The following TAPT1 variants were observed in gnomAD, a reference collection of about 807,000 sequenced individuals.
The protein encoded by TAPT1 is transmembrane anterior posterior transformation 1.
Under a neutral mutation model 65.6 loss-of-function variants are expected in TAPT1, and 28 were observed. The ratio of observed to expected loss-of-function variants is 0.43; its 90% CI spans 0.32 to 0.59. The LOEUF (loss-of-function observed/expected upper bound fraction) is 0.59. TAPT1 is among the 20% of genes least tolerant of loss of function. The pLI is 0.09. For missense variants in TAPT1, 563 were observed against 679.9 expected, an observed-to-expected ratio of 0.83 and a Z score of 1.91; for synonymous variants, 278 against 245.2, an observed-to-expected ratio of 1.13 and a Z score of -1.25.
intron 2 of TAPT1, among the ~76,000 whole-genome samples, chr4:16,202,865 T>C (rs780928029): frequency 1.3e-5 from 2 of 152,228 alleles, no homozygotes; most frequent in Non-Finnish European, 2.9e-5. Flanking sequence ...CCTCAAGCTC[T>C]AGATATTATG....
At chr4:16,196,654 TCAC>T in intron 3 of TAPT1, 2 of 1,285,000 alleles carry the variant, frequency 1.6e-6, no homozygotes, top group Non-Finnish European at 2.0e-6. Flanking sequence ...CAGGGTTTAC[TCAC>T]CACAAGGAGT....
At chr4:16,205,315 C>A (rs1750275688) in intron 2 of TAPT1, among the ~76,000 whole-genome samples, 1 of 152,222 alleles carries the variant, frequency 6.6e-6, no homozygotes, top group South Asian at 2.1e-4. Context: ...TCCTCCACCA[C>A]AACCACCAAA....
At chr4:16,167,438 C>A (rs1165200969) in intron 12 of TAPT1, among the ~76,000 whole-genome samples, 2 of 152,150 alleles carry the variant, frequency 1.3e-5, no homozygotes, top group East Asian at 1.9e-4. Flanking sequence ...TGATTCCACA[C>A]CCTTATGATA....
intron 12 of TAPT1, among the ~76,000 whole-genome samples, chr4:16,168,732 T>C (rs1240264639): frequency 2.0e-5 from 3 of 152,246 alleles, no homozygotes; most frequent in Non-Finnish European, 2.9e-5. Flanking sequence ...TTGTTGTCTA[T>C]TTGTTGTTGG....
chr4:16,226,390 C>T lies in TAPT1; in HGVS notation c.68G>A (p.Arg23Gln). The T allele has an allele frequency of 9.1e-7, 1 of 1,098,490 alleles. No individual in the cohort carries two copies. The highest frequency in any genetic ancestry group is 1.1e-6 in the Non-Finnish European group (1 of 903,842). The allele number at this position is 1,098,490 out of a possible 1,614,324, so 68.0% of individuals were successfully genotyped here. A position where few individuals can be genotyped will look rare whatever the true frequency, so the allele number is the denominator to read the frequency against. The part of the protein sequence containing the change: ...GGGGGVDGPQ[R>Q]DGRGEAEQPG... ...CTGCTCCGCCTCGCCGCGGCCGTCC[C>T]GCTGCGGGCCGTCCACGCCGCCACC... Residue 23 changes from arginine (R) to glutamine (Q), a missense_variant, in exon 1 of 14, where the codon CGG becomes CAG. Around this residue, in one of 5 missense-constraint regions of TAPT1, gnomAD observed 103 missense variants for 89.4 expected, o/e 1.15. Coordinates refer to ENST00000405303, the MANE Select transcript of TAPT1 (RefSeq NM_153365.3).
At chr4:16,219,484 G>A (rs1455024499) in intron 1 of TAPT1, among the ~76,000 whole-genome samples, 1 of 152,190 alleles carries the variant, frequency 6.6e-6, no homozygotes, top group Non-Finnish European at 1.5e-5. Context: ...GAATGTAAGG[G>A]TAAACTTTGC....
intron 5 of TAPT1, among the ~76,000 whole-genome samples, chr4:16,187,732 C>T (rs376331599): frequency 6.6e-6 from 1 of 152,126 alleles, no homozygotes; most frequent in Non-Finnish European, 1.5e-5. Flanking sequence ...AAAGCACTTA[C>T]TCTCCAATAG....
intron 1 of TAPT1, 122 bp downstream of exon 1, chr4:16,226,137 G>A: frequency 9.7e-7 from 1 of 1,029,780 alleles, no homozygotes. Flanking sequence ...CACAGCCTGG[G>A]GAGCCCCGGG....
At chr4:16,171,901 C>T (rs6814370) in intron 11 of TAPT1, among the ~76,000 whole-genome samples, 9,133 of 151,972 alleles carry the variant, frequency 0.06, 545 homozygotes, top group African/African-American at 0.15. Context: ...TTCCTTTTTT[C>T]GGATATAAAA....
rs1332658879 is a variant in TAPT1 at position 16,216,644 on chromosome 4, C to T, written c.200-2746G>A. Among the ~76,000 whole-genome samples the T allele has an allele frequency of 3.9e-5, 6 of 152,224 alleles. No homozygotes were observed. The East Asian group carries it at 1.2e-3, about 29-fold the overall frequency. ...CCAGGGCCAATCTTGACAATCCCCTCTCTCTTCTTACCAAGGTCTACCAAT... is the reference window on the plus strand; with the variant it reads ...CCAGGGCCAATCTTGACAATCCCCTTTCTCTTCTTACCAAGGTCTACCAAT... On this transcript the variant is annotated intron_variant, in intron 1 of 13. Coordinates refer to ENST00000405303, the MANE Select transcript of TAPT1 (RefSeq NM_153365.3).
rs1747343340 is a variant in TAPT1 at position 16,162,849 on chromosome 4, T to C, written c.*459A>G. 1.2e-5 allele frequency: 4 copies of C among 344,500 alleles called. No individual in the cohort carries two copies. The highest frequency in any genetic ancestry group is 8.8e-5 in the South Asian group (4 of 45,350). The allele number at this position is 344,500 out of a possible 1,614,324, so 21.3% of individuals were successfully genotyped here. On this transcript the variant is annotated 3_prime_UTR_variant, in exon 14 of 14. Transcript: ENST00000405303. Reference sequence around the variant, plus strand: ...ACTTATGTTTAATTTTTTTAATGCTTTGGCAGATGAAGTAACGTTTGAAAA... The same window carrying C: ...ACTTATGTTTAATTTTTTTAATGCTCTGGCAGATGAAGTAACGTTTGAAAA...
At chr4:16,170,439 TA>T (rs1331182769) in intron 12 of TAPT1, among the ~76,000 whole-genome samples, 3 of 152,214 alleles carry the variant, frequency 2.0e-5, no homozygotes, top group Non-Finnish European at 4.4e-5. Flanking sequence ...TGCTAAAAAT[TA>T]AAATAAAATC....
chr4:16,188,035 T>A (rs1193853261), intron 5 of TAPT1, among the ~76,000 whole-genome samples, 185 bp downstream of exon 5: 2 of 152,228 alleles, frequency 1.3e-5, no homozygotes, highest in East Asian at 3.8e-4. Flanking sequence ...AATGCCTACA[T>A]GAGGCTCTTA....
intron 1 of TAPT1, among the ~76,000 whole-genome samples, chr4:16,222,553 A>T (rs1304773496): frequency 1.3e-5 from 2 of 152,220 alleles, no homozygotes; most frequent in Non-Finnish European, 2.9e-5. Flanking sequence ...ATATAGGTGA[A>T]GACTGGTTAA....
intron 1 of TAPT1, chr4:16,214,516 G>GT (rs892857983): frequency 3.3e-5 from 5 of 152,272 alleles, no homozygotes; most frequent in African/African-American, 1.2e-4. Flanking sequence ...ATTCACCCGT[G>GT]TTTTTCCTCT....
Position 16,166,958 on chromosome 4 carries a change from T to C in TAPT1, c.1314-165A>G, listed in dbSNP as rs10939651. 0.41 allele frequency: 206,519 copies of C among 498,454 alleles called. 46,711 individuals carry two copies. The highest frequency in any genetic ancestry group is 0.66 in the African/African-American group (33,560 of 50,770). The allele number at this position is 498,454 out of a possible 1,614,324, so 30.9% of individuals were successfully genotyped here. On this transcript the variant is annotated intron_variant, in intron 12 of 13. Transcript: ENST00000405303. ...TCTTGAGTTTTCTGAGGCCTCCTTG[T>C]CACAAAGAAAAACTTCGGAATTCCT...
chr4:16,166,807 C>T lies in TAPT1; in HGVS notation c.1314-14G>A, dbSNP rs765850452. 2.1e-5 allele frequency: 34 copies of T among 1,611,512 alleles called. No homozygotes were observed. The Admixed American group carries it at 5.5e-4, about 26-fold the overall frequency. On this transcript the variant is annotated splice_polypyrimidine_tract_variant and intron_variant, in intron 12 of 13. Transcript: ENST00000405303. ...AGGGATATCAACCTAAAAACAGAAA[C>T]AAAACAAACCACATCCGTTGGAATT...
At position 16,214,458 on chromosome 4, in the gene TAPT1, T is replaced by C. The variant is rs549219594; in HGVS notation, c.200-560A>G. 3 of 152,352 alleles carry C rather than the reference T, an allele frequency of 2.0e-5. No individual in the cohort carries two copies. The East Asian group carries it at 5.8e-4, about 29-fold the overall frequency. The allele number at this position is 152,352 out of a possible 1,614,324, so 9.4% of individuals were successfully genotyped here. A position where few individuals can be genotyped will look rare whatever the true frequency, so the allele number is the denominator to read the frequency against. Reference sequence around the variant, plus strand: ...TACTCACAATAGTTATTACGCGAAGTGCAACCTCAACCGGATCAGAAAAAC... The same window carrying C: ...TACTCACAATAGTTATTACGCGAAGCGCAACCTCAACCGGATCAGAAAAAC... On this transcript the variant is annotated intron_variant, in intron 1 of 13. Transcript: ENST00000405303.
intron 13 of TAPT1, among the ~76,000 whole-genome samples, chr4:16,166,382 C>G (rs974840245): frequency 8.5e-5 from 13 of 152,246 alleles, no homozygotes; most frequent in Admixed American, 7.9e-4. Context: ...AATTGCCTTT[C>G]CACCCCACTG....
Sources: gnomAD v4.1 joint callset for allele counts (sites outside exome capture counted in the v4.1 genomes callset) on GRCh38, gnomAD v4.1.1 for gene constraint, gnomAD v4.1.1 regional missense constraint, MANE v1.5 for transcripts, NCBI Gene and HGNC (gene_info 2026-07-23, HGNC 2026-07-21) for gene names.